CNKSR2: variants seen among roughly 807,000 people sequenced by gnomAD.
CNKSR2 encodes CNK homolog protein 2.
A neutral mutation model predicts 84.4 loss-of-function variants in CNKSR2; 14 were observed. That is an observed-to-expected ratio of 0.17 (90% CI 0.11 to 0.26). The LOEUF is 0.26. CNKSR2 is among the 10% of genes least tolerant of loss of function. CNKSR2 has a pLI of 1.00. For missense variants in CNKSR2, 485 were observed against 771.2 expected (o/e 0.63, Z 4.40); for synonymous variants, 275 against 277.9 (o/e 0.99, Z 0.10).
chrX:21,640,136 T>A (rs901813840), intron 20 of CNKSR2, among the ~76,000 whole-genome samples: 1 of 111,849 alleles, frequency 8.9e-6, no homozygotes, highest in Admixed American at 9.5e-5. Flanking sequence ...AGGGCTCTAG[T>A]TCAGTTTAGT....
At chrX:21,629,524 G>T (rs768821931) in intron 20 of CNKSR2, among the ~76,000 whole-genome samples, 1 of 112,114 alleles carries the variant, frequency 8.9e-6, no homozygotes, top group East Asian at 2.8e-4. Context: ...ATGGTGGAAG[G>T]CAAGGAGGAG....
At position 21,501,551 on chromosome X, in the gene CNKSR2, C is replaced by T. The variant is rs2091560248; in HGVS notation, c.773C>T (p.Ala258Val). 1.7e-6 allele frequency: 2 copies of T among 1,171,519 alleles called. No individual in the cohort carries two copies. Among genetic ancestry groups the T allele is most frequent in the African/African-American group, 1.8e-5 (1 of 55,962 alleles). Residue 258 changes from alanine (A) to valine (V), a missense_variant, in exon 8 of 22, where the codon GCT becomes GTT. By Grantham distance (64) the Ala-to-Val change is moderately conservative. Coordinates refer to ENST00000379510, the MANE Select transcript of CNKSR2 (RefSeq NM_014927.5). ...SPADRCKKIH[A>V]GDEVIQVNHQ... ...GCAGATCGGTGCAAGAAAATCCATG[C>T]TGGCGATGAAGTGATTCAAGTTAAT... is the stretch of plus-strand genomic sequence containing the variant.
At position 21,600,100 on chromosome X, in the gene CNKSR2, G is replaced by A. The variant is rs113033569; in HGVS notation, c.1977-1182G>A. ...GCTAAAATAAAGTTAGGTTTTAATT[G>A]ACCTATTCTTACAATTAAAGCTTAA... On this transcript the variant is annotated intron_variant, in intron 17 of 21. Transcript: ENST00000379510. Among the ~76,000 whole-genome samples, 674 of 111,671 alleles carry A rather than the reference G, an allele frequency of 6.0e-3. 5 individuals are homozygous for A. Among genetic ancestry groups the A allele is most frequent in the African/African-American group, 0.02 (627 of 30,742 alleles).
chrX:21,548,667 C>T (rs1485970690), intron 11 of CNKSR2, among the ~76,000 whole-genome samples: 1 of 111,835 alleles, frequency 8.9e-6, no homozygotes, highest in Non-Finnish European at 1.9e-5. Context: ...ATGTGAAAAT[C>T]CTCAATAAAA....
chrX:21,549,243 T>C (rs2092060338), intron 11 of CNKSR2, among the ~76,000 whole-genome samples: 1 of 112,272 alleles, frequency 8.9e-6, no homozygotes. Context: ...ACAAAATCAA[T>C]GTGCAAAAAT....
intron 5 of CNKSR2, among the ~76,000 whole-genome samples, chrX:21,486,436 C>CA (rs1300587349): frequency 9.0e-6 from 1 of 111,641 alleles, no homozygotes; most frequent in Non-Finnish European, 1.9e-5. Flanking sequence ...TGAAATTGAT[C>CA]AAAAAAAGTC....
At chrX:21,619,993 A>G (rs980482873) in intron 20 of CNKSR2, among the ~76,000 whole-genome samples, 2 of 110,861 alleles carry the variant, frequency 1.8e-5, no homozygotes, top group Non-Finnish European at 3.8e-5. Context: ...TTAAAATCCT[A>G]TGTAGTTGCT....
intron 20 of CNKSR2, among the ~76,000 whole-genome samples, chrX:21,614,980 C>T (rs1187500351): frequency 8.9e-6 from 1 of 111,772 alleles, no homozygotes; most frequent in Non-Finnish European, 1.9e-5. Flanking sequence ...AGACTTATAC[C>T]CAGATTTCAT....
In CNKSR2 at chrX:21,626,244, TAAA is replaced by T. The variant is rs397895953; in HGVS notation, c.2692+16648_2692+16650del. Among the ~76,000 whole-genome samples, 112 of 40,888 alleles carry T rather than the reference TAAA, an allele frequency of 2.7e-3. 2 individuals carry two copies. The highest frequency in any genetic ancestry group is 7.6e-3 in the African/African-American group (102 of 13,336). 35.5% of individuals were successfully genotyped at this position (40,888 alleles called of 115,157 possible). On this transcript the variant is annotated intron_variant, in intron 20 of 21. Transcript: ENST00000379510. Reference sequence around the variant, plus strand: ...GAAAAGGAGGGTACATTCTAGGTGGTAAAAAAAAAAAAAAAAAAAAAAATGGCA... The same window carrying T: ...GAAAAGGAGGGTACATTCTAGGTGGTAAAAAAAAAAAAAAAAAAAATGGCA...
intron 20 of CNKSR2, among the ~76,000 whole-genome samples, chrX:21,630,778 C>A (rs937368536): frequency 8.1e-5 from 9 of 110,853 alleles, no homozygotes; most frequent in African/African-American, 2.9e-4. Context: ...ACAGCAGCAC[C>A]ATTAATATGG....
chrX:21,593,035 A>G (rs1232980387), intron 15 of CNKSR2: 2 of 110,168 alleles, frequency 1.8e-5, no homozygotes, highest in Non-Finnish European at 3.8e-5. Flanking sequence ...GTGAGAGATG[A>G]GTGAAGAATT....
At chrX:21,589,755 G>A (rs183419199) in intron 13 of CNKSR2, among the ~76,000 whole-genome samples, 33 of 111,774 alleles carry the variant, frequency 3.0e-4, no homozygotes, top group African/African-American at 9.4e-4. Context: ...CAAGTATGAT[G>A]CAGCGAGCAT....
rs2092726626 is a variant in CNKSR2, at chrX:21,654,080, G to A, written c.*1559G>A. ...AGACTTTGCACAACTGTACAGGAGA[G>A]TGGCCTTTCTACAGCACATTTTCAG... On this transcript the variant is annotated 3_prime_UTR_variant, in exon 22 of 22. Coordinates refer to ENST00000379510, the MANE Select transcript of CNKSR2 (RefSeq NM_014927.5). 1 of 110,202 alleles carries A rather than the reference G, an allele frequency of 9.1e-6. No individual in the cohort carries two copies. Among genetic ancestry groups the A allele is most frequent in the African/African-American group, 3.3e-5 (1 of 30,280 alleles). The allele number at this position is 110,202 out of a possible 1,213,427, so 9.1% of individuals were successfully genotyped here. A position where few individuals can be genotyped will look rare whatever the true frequency, so the allele number is the denominator to read the frequency against.
intron 4 of CNKSR2, among the ~76,000 whole-genome samples, chrX:21,455,702 C>T (rs2090987306): frequency 8.9e-6 from 1 of 111,993 alleles, no homozygotes; most frequent in Non-Finnish European, 1.9e-5. Context: ...TCAGGGGTAC[C>T]CCCTTAGTGT....
intron 1 of CNKSR2, among the ~76,000 whole-genome samples, chrX:21,379,516 G>T (rs1439418822): frequency 8.9e-6 from 1 of 112,065 alleles, no homozygotes; most frequent in Non-Finnish European, 1.9e-5. Context: ...TCCATATGTA[G>T]AATTTCGTTC....
intron 1 of CNKSR2, among the ~76,000 whole-genome samples, chrX:21,413,386 G>A (rs775679676): frequency 9.0e-6 from 1 of 110,694 alleles, no homozygotes; most frequent in Non-Finnish European, 1.9e-5. Context: ...CATGCAATGT[G>A]AAATAATCAC....
intron 4 of CNKSR2, among the ~76,000 whole-genome samples, chrX:21,457,070 C>T (rs1028789359): frequency 1.8e-5 from 2 of 111,051 alleles, no homozygotes; most frequent in Admixed American, 9.6e-5. Context: ...TTATTTGTTT[C>T]TATTTTTGCT....
chrX:21,391,084 C>A (rs1443197556), intron 1 of CNKSR2, among the ~76,000 whole-genome samples: 1 of 112,894 alleles, frequency 8.9e-6, no homozygotes. Flanking sequence ...ATGGGCAGCT[C>A]TGGCCCTGTG....
At chrX:21,623,906 C>T (rs1466323642) in intron 20 of CNKSR2, among the ~76,000 whole-genome samples, 1 of 111,381 alleles carries the variant, frequency 9.0e-6, no homozygotes, top group African/African-American at 3.3e-5. Flanking sequence ...AGCATGTCCT[C>T]CATTATATGG....
Sources: gnomAD v4.1 joint callset for allele counts (sites outside exome capture counted in the v4.1 genomes callset) on GRCh38, gnomAD v4.1.1 for gene constraint, MANE v1.5 for transcripts, NCBI Gene and HGNC (gene_info 2026-07-23, HGNC 2026-07-21) for gene names.